KAT14: variants seen among roughly 807,000 people sequenced by gnomAD.
The protein encoded by KAT14 is cysteine-rich protein 2-binding protein.
A neutral mutation model predicts 78.4 loss-of-function variants in KAT14; 66 were observed. The ratio of observed to expected loss-of-function variants is 0.84; its 90% confidence interval spans 0.69 to 1.03. The LOEUF (loss-of-function observed/expected upper bound fraction) is 1.03. Among genes scored for constraint, KAT14 ranks in the 50% least tolerant of loss-of-function variants. The probability of loss-of-function intolerance (pLI) is 0.00; values close to 1 mark genes in which losing one functional copy is unlikely to be tolerated. For missense variants in KAT14, 870 were observed against 972.5 expected (o/e 0.89, Z 1.40); for synonymous variants, 344 against 359.4 (o/e 0.96, Z 0.48).
In KAT14 at chr20:18,162,141, C is replaced by T; in HGVS notation, c.1001C>T (p.Ser334Phe). 1.2e-6 allele frequency: 2 copies of T among 1,614,278 alleles called. No individual in the cohort carries two copies. The highest frequency in any genetic ancestry group is 1.7e-6 in the Non-Finnish European group (2 of 1,180,052). Residue 334 changes from serine (S) to phenylalanine (F), a missense_variant, in exon 6 of 11, where the codon TCT becomes TTT. By Grantham distance (155) the Ser-to-Phe change is radical (BLOSUM62 -2). Coordinates refer to ENST00000688188, the MANE Select transcript of KAT14 (RefSeq NM_001392073.1). ...TCTCCTTCTCCTTCTCTGGATTTCT[C>T]TGCCCCTGGTACACCTGCCTCTCAT... is the stretch of plus-strand genomic sequence containing the variant. ...SPSPSPSLDF[S>F]APGTPASHSA... is the part of the protein sequence containing the mutation.
rs1568662163 is a variant in KAT14 at position 18,142,700 on chromosome 20, C to T, written c.40C>T (p.His14Tyr). 1 of 1,614,150 alleles carries T rather than the reference C, an allele frequency of 6.2e-7. No homozygotes were observed. Among genetic ancestry groups the T allele is most frequent in the African/African-American group, 1.3e-5 (1 of 75,040 alleles). Residue 14 changes from histidine to tyrosine, a missense_variant, in exon 2 of 11, where the codon CAT becomes TAT. Coordinates refer to ENST00000688188, the MANE Select transcript of KAT14 (RefSeq NM_001392073.1). ...CCACCTGAGTAGTCTGATCAGTCGGCATGATGACGAAGCCACGAGAACATC... is the reference window on the plus strand; with the variant it reads ...CCACCTGAGTAGTCTGATCAGTCGGTATGATGACGAAGCCACGAGAACATC... The part of the protein sequence containing the change: ...SIHLSSLISR[H>Y]DDEATRTSTS...
chr20:18,187,432 C>T lies in KAT14; in HGVS notation c.2319C>T (p.His773=), dbSNP rs373719743. Residue 773 remains histidine (H), a synonymous_variant, in exon 11 of 11, where the codon CAC becomes CAT. Transcript: ENST00000688188. ...YYPLESTECK[H]AFFLRLRR is the part of the protein sequence containing the mutation. ...CATTGGAGAGTACAGAGTGTAAACACGCATTCTTTCTGAGGCTCCGGCGCT... is the reference window on the plus strand; with the variant it reads ...CATTGGAGAGTACAGAGTGTAAACATGCATTCTTTCTGAGGCTCCGGCGCT... The T allele has an allele frequency of 1.3e-4, 211 of 1,614,004 alleles. No homozygotes were observed. The highest frequency in any genetic ancestry group is 1.6e-4 in the Non-Finnish European group (194 of 1,180,030).
At chr20:18,182,397 C>A (rs765458234) in intron 8 of KAT14, among the ~76,000 whole-genome samples, 1 of 152,208 alleles carries the variant, frequency 6.6e-6, no homozygotes, top group African/African-American at 2.4e-5. Context: ...GCTGGGATTA[C>A]AGGCGTGAGC....
chr20:18,146,016 C>T (rs2037813910), intron 3 of KAT14, among the ~76,000 whole-genome samples: 1 of 152,046 alleles, frequency 6.6e-6, no homozygotes, highest in Admixed American at 6.5e-5. Flanking sequence ...CCAACATAAC[C>T]CAGCTTTTCT....
intron 5 of KAT14, among the ~76,000 whole-genome samples, chr20:18,161,336 G>A (rs1014133877): frequency 6.6e-6 from 1 of 152,026 alleles, no homozygotes; most frequent in Non-Finnish European, 1.5e-5. Context: ...ATTAAGAGGC[G>A]TGCACCACCA....
chr20:18,184,579 C>T (rs747998478), intron 9 of KAT14, 23 bp from the exon 10 acceptor site: 2 of 1,583,140 alleles, frequency 1.3e-6, no homozygotes, highest in African/African-American at 1.4e-5. Context: ...TGGTTTGAGT[C>T]TCCGATGGTT....
At chr20:18,186,715 C>A (rs2146551161) in intron 10 of KAT14, among the ~76,000 whole-genome samples, 1 of 152,324 alleles carries the variant, frequency 6.6e-6, no homozygotes, top group South Asian at 2.1e-4. Flanking sequence ...ATGTAGAAAT[C>A]TCAGTTCTAA....
chr20:18,182,938 T>C (rs73261993), intron 8 of KAT14, among the ~76,000 whole-genome samples, 185 bp from the exon 9 acceptor site: 4,347 of 152,236 alleles, frequency 0.029, 210 homozygotes, highest in African/African-American at 0.1. Context: ...GCCTGATGAA[T>C]GTTCAGAGTG....
chr20:18,166,033 G>C (rs1438450685), intron 7 of KAT14, among the ~76,000 whole-genome samples: 1 of 152,208 alleles, frequency 6.6e-6, no homozygotes, highest in Non-Finnish European at 1.5e-5. Flanking sequence ...AAGGATGATA[G>C]CCTCAATATG....
At chr20:18,176,691 G>A (rs889732623) in intron 7 of KAT14, among the ~76,000 whole-genome samples, 9 of 152,318 alleles carry the variant, frequency 5.9e-5, no homozygotes, top group Non-Finnish European at 7.4e-5. Context: ...CAGAGGGAAC[G>A]GGTTGGTGGC....
chr20:18,143,771 G>A (rs973545222), intron 2 of KAT14, among the ~76,000 whole-genome samples: 4 of 152,106 alleles, frequency 2.6e-5, no homozygotes, highest in Non-Finnish European at 5.9e-5. Context: ...GGGATTACAG[G>A]CATGCGCCAC....
rs1265931625 is a variant in KAT14 at position 18,137,917 on chromosome 20, G to A, written c.-588G>A. 3 of 1,463,066 alleles carry A rather than the reference G, an allele frequency of 2.1e-6. No homozygotes were observed. The highest frequency in any genetic ancestry group is 5.8e-5 in the East Asian group (2 of 34,566). 90.6% of individuals were successfully genotyped at this position (1,463,066 alleles called of 1,614,324 possible). A position where few individuals can be genotyped will look rare whatever the true frequency, so the allele number is the denominator to read the frequency against. ...ACTCTGCGGCGGCCTCTGCGCCTCG[G>A]GCGGGCGGGAGAGAGAGGCCGCGGC... is the stretch of plus-strand genomic sequence containing the variant. On this transcript the variant is annotated 5_prime_UTR_variant, in exon 1 of 11. Transcript: ENST00000688188.
chr20:18,152,347 C>T (rs536614161), intron 4 of KAT14, among the ~76,000 whole-genome samples: 19 of 152,084 alleles, frequency 1.2e-4, no homozygotes, highest in African/African-American at 4.3e-4. Flanking sequence ...GAGGCCGAGG[C>T]GAGCAGATCA....
Position 18,162,462 on chromosome 20 carries a change from A to C in KAT14, c.1185A>C (p.Pro395=). Residue 395 remains proline, a synonymous_variant, in exon 7 of 11, where the codon CCA becomes CCC. Transcript: ENST00000688188. ...CTGCTGGGTCAGTAGCTTCTGGGCC[A>C]GTGGTTGGGGTCAGAAAGAAGGTCA... is the stretch of plus-strand genomic sequence containing the variant. The part of the protein sequence containing the change: ...PPPAGSVASG[P]VVGVRKKVRG... The C allele has an allele frequency of 1.2e-6, 2 of 1,614,104 alleles. No individual in the cohort carries two copies. The highest frequency in any genetic ancestry group is 1.7e-6 in the Non-Finnish European group (2 of 1,180,012).
chr20:18,168,149 T>C (rs1266648035), intron 7 of KAT14, among the ~76,000 whole-genome samples: 1 of 152,230 alleles, frequency 6.6e-6, no homozygotes, highest in Non-Finnish European at 1.5e-5. Flanking sequence ...GTTATTTTAG[T>C]TTTTTCCATT....
rs2146555906 is a variant in KAT14, at chr20:18,187,617, T to C, written c.*158T>C. The C allele has an allele frequency of 8.1e-7, 1 of 1,229,328 alleles. No individual in the cohort carries two copies. Among genetic ancestry groups the C allele is most frequent in the South Asian group, 1.6e-5 (1 of 63,806 alleles). The allele number at this position is 1,229,328 out of a possible 1,614,324, so 76.2% of individuals were successfully genotyped here. On this transcript the variant is annotated 3_prime_UTR_variant, in exon 11 of 11. Transcript: ENST00000688188. ...GTGAGAAAAGCGGCATGCAGTGAAA[T>C]GAGCAGTGAGCAGCCCTTTAGCAAA...
At chr20:18,139,293 TAA>T (rs2037430221) in intron 1 of KAT14, among the ~76,000 whole-genome samples, 4 of 152,318 alleles carry the variant, frequency 2.6e-5, no homozygotes, top group Admixed American at 2.6e-4. Flanking sequence ...CAAGGAAAAG[TAA>T]AAGATGTTGA....
intron 7 of KAT14, among the ~76,000 whole-genome samples, chr20:18,173,300 C>G (rs1388127250): frequency 6.6e-6 from 1 of 152,242 alleles, no homozygotes; most frequent in African/African-American, 2.4e-5. Flanking sequence ...TCAGGGCTTT[C>G]CCGCCTTGAT....
At chr20:18,178,470 A>C (rs1346469662) in intron 7 of KAT14, among the ~76,000 whole-genome samples, 2 of 152,198 alleles carry the variant, frequency 1.3e-5, no homozygotes, top group Non-Finnish European at 2.9e-5. Context: ...TTGGACTTAG[A>C]GTCCCACCTG....
Sources: allele counts gnomAD v4.1 joint callset (sites outside exome capture counted in the v4.1 genomes callset), GRCh38; gene constraint gnomAD v4.1.1; transcripts MANE v1.5; gene names NCBI Gene and HGNC (gene_info 2026-07-23, HGNC 2026-07-21).